Variants in PHF11 observed in about 807,000 individuals in gnomAD.
The protein encoded by PHF11 is BRCA1 C-terminus-associated protein.
A neutral mutation model predicts 40.5 loss-of-function variants in PHF11; 38 were observed. The ratio of observed to expected loss-of-function variants is 0.94; its 90% CI spans 0.72 to 1.23. The LOEUF is 1.23. Ranked by LOEUF, PHF11 falls within the 50% of genes most tolerant of loss-of-function variation. PHF11 has a pLI of 0.00. For missense variants in PHF11, 369 were observed against 392.4 expected (o/e 0.94, Z 0.50); for synonymous variants, 127 against 138.2 (o/e 0.92, Z 0.57).
chr13:49,526,421 T>C lies in PHF11; in HGVS notation c.804T>C (p.Cys268=), dbSNP rs1566199085. Residue 268 remains cysteine, a synonymous_variant, in exon 9 of 10, where the codon TGT becomes TGC. Coordinates refer to ENST00000378319, the MANE Select transcript of PHF11 (RefSeq NM_001040443.3). ...AAATCGGGAGTGCACTTTTTGACTG[T>C]AGATTGTTCGAAGACACATTTGTAA... is the stretch of plus-strand genomic sequence containing the variant. The part of the protein sequence containing the change: ...YEEIGSALFD[C]RLFEDTFVNF... 3.7e-6 allele frequency: 6 copies of C among 1,610,316 alleles called. No homozygotes were observed. Among genetic ancestry groups the C allele is most frequent in the Non-Finnish European group, 5.1e-6 (6 of 1,176,578 alleles).
At chr13:49,527,120 A>G (rs1481629803) in intron 9 of PHF11, 2 of 152,206 alleles carry the variant, frequency 1.3e-5, no homozygotes, top group Non-Finnish European at 2.9e-5. Flanking sequence ...AAATGTTTGC[A>G]GTAGAAAATC....
chr13:49,526,855 G>C (rs553954495), intron 9 of PHF11, among the ~76,000 whole-genome samples: 1 of 152,268 alleles, frequency 6.6e-6, no homozygotes, highest in East Asian at 1.9e-4. Context: ...ATTTTGGCCT[G>C]TGTGTGGCCC....
chr13:49,520,413 A>AT (rs1285578770), intron 4 of PHF11, among the ~76,000 whole-genome samples: 6 of 152,208 alleles, frequency 3.9e-5, no homozygotes, highest in African/African-American at 1.4e-4. Flanking sequence ...AATCAGTTCT[A>AT]GGCCCTTTGT....
intron 1 of PHF11, among the ~76,000 whole-genome samples, chr13:49,504,780 A>G (rs1958960951): frequency 6.6e-6 from 1 of 151,928 alleles, no homozygotes; most frequent in East Asian, 1.9e-4. Context: ...AAAGGGGGGA[A>G]AGGTGGGGAA....
At chr13:49,496,387 G>T (rs1343837532) in intron 1 of PHF11, 41 of 1,139,536 alleles carry the variant, frequency 3.6e-5, no homozygotes, top group Non-Finnish European at 4.2e-5. Context: ...TCCCCCGCGG[G>T]TGACAGCCCA....
In PHF11 at chr13:49,524,234, T is replaced by C. The variant is rs1466169409; in HGVS notation, c.769+18T>C. The C allele has an allele frequency of 2.5e-6, 4 of 1,583,202 alleles. No homozygotes were observed. Among genetic ancestry groups the C allele is most frequent in the Non-Finnish European group, 3.4e-6 (4 of 1,160,846 alleles). On this transcript the variant is annotated intron_variant, in intron 8 of 9. Transcript: ENST00000378319. ...AGAATCAGGTACTGATGAAGAGCAA[T>C]ATTTCGAAGTATAGAGACTTCTCCC...
intron 4 of PHF11, among the ~76,000 whole-genome samples, chr13:49,520,671 T>C (rs1018468176): frequency 6.6e-6 from 1 of 152,084 alleles, no homozygotes; most frequent in African/African-American, 2.4e-5. Context: ...TGAAAGAACA[T>C]AATCATCTTC....
rs754198109 is a variant in PHF11, at chr13:49,528,642, T to A, written c.973T>A (p.Ser325Thr). 24 of 1,607,106 alleles carry A rather than the reference T, an allele frequency of 1.5e-5. No individual in the cohort carries two copies. The highest frequency in any genetic ancestry group is 3.4e-5 in the Admixed American group (2 of 58,754). Residue 325 changes from serine (S) to threonine (T), a missense_variant, in exon 10 of 10, where the codon TCA becomes ACA. Physicochemically the swap from Ser to Thr is moderately conservative, Grantham distance 58. Transcript: ENST00000378319. ...TAGAGATCTTATGTCAAGTTCTACA[T>A]CAATATCATCCCTGTCTTATTAGGG... Reference protein sequence around the residue: ...ENRDLMSSSTSISSLSY With the variant: ...ENRDLMSSSTTISSLSY
In PHF11 at chr13:49,496,390, A is replaced by G. The variant is rs533516422; in HGVS notation, c.94+295A>G. On this transcript the variant is annotated intron_variant, in intron 1 of 9. Transcript: ENST00000378319. ...CTTCGGTTTACCTCCCCCGCGGGTG[A>G]CAGCCCAGTGCTTCCACCACAACCG... 277 of 1,133,144 alleles carry G rather than the reference A, an allele frequency of 2.4e-4. 2 individuals carry two copies. In the African/African-American group the frequency reaches 4.3e-3, roughly 18 times the overall value. 70.2% of individuals were successfully genotyped at this position (1,133,144 alleles called of 1,614,324 possible).
chr13:49,527,342 GT>G (rs1487160321), intron 9 of PHF11: 1 of 152,202 alleles, frequency 6.6e-6, no homozygotes, highest in African/African-American at 2.4e-5. Flanking sequence ...TCCCCCTGAA[GT>G]TGCACAACAG....
intron 8 of PHF11, 108 bp downstream of exon 8, chr13:49,524,324 C>T (rs898789555): frequency 5.8e-6 from 5 of 867,456 alleles, no homozygotes; most frequent in South Asian, 3.3e-5. Context: ...TCCTATACTA[C>T]TTTTTTCTTC....
chr13:49,498,903 C>T (rs1377729991), intron 1 of PHF11, among the ~76,000 whole-genome samples: 2 of 152,166 alleles, frequency 1.3e-5, no homozygotes, highest in Admixed American at 1.3e-4. Context: ...TTAATAAGCA[C>T]GTACTGGCTG....
intron 5 of PHF11, chr13:49,521,393 G>A: frequency 1.0e-6 from 1 of 987,728 alleles, no homozygotes; most frequent in African/African-American, 1.7e-5. Context: ...TCATTCATGA[G>A]TGGAACAGCA....
At chr13:49,521,307 A>G (rs9526568) in intron 5 of PHF11, 519,553 of 995,562 alleles carry the variant, frequency 0.52, 138,337 homozygotes, top group Non-Finnish European at 0.55. Context: ...AAAATTCCCT[A>G]AGGATGCATG....
intron 4 of PHF11, 193 bp downstream of exon 4, chr13:49,518,344 T>A: frequency 7.1e-6 from 2 of 282,794 alleles, no homozygotes; most frequent in Non-Finnish European, 1.3e-5. Flanking sequence ...ATATATATTA[T>A]TTTAGTCACA....
intron 1 of PHF11, among the ~76,000 whole-genome samples, chr13:49,504,131 G>A (rs919639514): frequency 6.6e-6 from 1 of 151,998 alleles, no homozygotes; most frequent in African/African-American, 2.4e-5. Flanking sequence ...GGTCTAGAGT[G>A]CACAACATAG....
chr13:49,518,342 T>A (rs980826952), intron 4 of PHF11, 191 bp downstream of exon 4: 1 of 282,854 alleles, frequency 3.5e-6, no homozygotes, highest in Non-Finnish European at 6.4e-6. Context: ...ATATATATAT[T>A]ATTTTAGTCA....
At chr13:49,506,832 C>A in intron 2 of PHF11, 76 bp downstream of exon 2, 1 of 919,110 alleles carries the variant, frequency 1.1e-6, no homozygotes, top group Non-Finnish European at 1.6e-6. Context: ...ATAAACAACA[C>A]TTTGGACACA....
At chr13:49,524,026 T>TAA in intron 7 of PHF11, 59 bp from the exon 8 acceptor site, 1 of 1,459,404 alleles carries the variant, frequency 6.9e-7, no homozygotes, top group Non-Finnish European at 9.4e-7. Flanking sequence ...AAGCATAAAG[T>TAA]AATTTATGAT....
Sources: allele counts gnomAD v4.1 joint callset (sites outside exome capture counted in the v4.1 genomes callset), GRCh38; gene constraint gnomAD v4.1.1; transcripts MANE v1.5; gene names NCBI Gene and HGNC (gene_info 2026-07-23, HGNC 2026-07-21).